SEZ6L: variants seen among roughly 807,000 people sequenced by gnomAD.
The protein encoded by SEZ6L is seizure related 6 homolog like.
A neutral mutation model predicts 106.2 loss-of-function variants in SEZ6L; 37 were observed. That is an observed-to-expected ratio of 0.35 (90% CI 0.27 to 0.46). The LOEUF is 0.46. SEZ6L is among the 20% of genes least tolerant of loss of function. The pLI, the probability that SEZ6L is intolerant of heterozygous loss-of-function variation, is 1.00. For synonymous variants in SEZ6L, 541 were observed against 570.4 expected (o/e 0.95, Z 0.73); for missense variants, 1,172 against 1,332.8 (o/e 0.88, Z 1.88).
At chr22:26,222,828 G>A (rs1282663895) in intron 1 of SEZ6L, among the ~76,000 whole-genome samples, 1 of 152,158 alleles carries the variant, frequency 6.6e-6, no homozygotes, top group African/African-American at 2.4e-5. Context: ...ATCCATCACA[G>A]TGGTTCTTAA....
intron 3 of SEZ6L, among the ~76,000 whole-genome samples, chr22:26,295,835 T>C (rs1313658409): frequency 6.6e-6 from 1 of 152,214 alleles, no homozygotes. Context: ...GTAGGGACTC[T>C]AATTGGTGTT....
At chr22:26,172,048 G>A (rs1268177636) in intron 1 of SEZ6L, among the ~76,000 whole-genome samples, 1 of 152,026 alleles carries the variant, frequency 6.6e-6, no homozygotes, top group Non-Finnish European at 1.5e-5. Flanking sequence ...TCGCTGTAAG[G>A]CATGAATAAG....
chr22:26,278,576 A>G (rs1223656916), intron 1 of SEZ6L, among the ~76,000 whole-genome samples: 2 of 152,136 alleles, frequency 1.3e-5, no homozygotes, highest in Non-Finnish European at 2.9e-5. Context: ...TTCACTTAGG[A>G]TATGCCTCCA....
At chr22:26,250,673 G>C (rs2079545026) in intron 1 of SEZ6L, among the ~76,000 whole-genome samples, 1 of 152,074 alleles carries the variant, frequency 6.6e-6, no homozygotes, top group African/African-American at 2.4e-5. Flanking sequence ...AGGAATTTTA[G>C]AACTTTTTCT....
chr22:26,290,497 A>G (rs2081076067), intron 1 of SEZ6L, among the ~76,000 whole-genome samples: 1 of 152,164 alleles, frequency 6.6e-6, no homozygotes, highest in Admixed American at 6.5e-5. Flanking sequence ...GCGCCACTGC[A>G]CTCCAGCCTG....
chr22:26,232,335 C>T (rs999521449), intron 1 of SEZ6L, among the ~76,000 whole-genome samples: 2 of 142,826 alleles, frequency 1.4e-5, no homozygotes, highest in African/African-American at 2.6e-5. Flanking sequence ...GTCTCTCTCT[C>T]TCTCTGTCTT....
intron 1 of SEZ6L, among the ~76,000 whole-genome samples, chr22:26,267,241 A>T (rs949572987): frequency 2.0e-5 from 3 of 152,204 alleles, no homozygotes; most frequent in Non-Finnish European, 4.4e-5. Context: ...AGGAAATGAC[A>T]AAAATGTGCC....
chr22:26,330,805 A>C (rs1892863196), intron 9 of SEZ6L, among the ~76,000 whole-genome samples: 1 of 152,256 alleles, frequency 6.6e-6, no homozygotes. Context: ...CTCCAGCCAA[A>C]ATAATGTCCA....
chr22:26,195,168 G>C (rs946839993), intron 1 of SEZ6L, among the ~76,000 whole-genome samples: 1 of 152,182 alleles, frequency 6.6e-6, no homozygotes, highest in Non-Finnish European at 1.5e-5. Flanking sequence ...GCCAGACTGG[G>C]CTTACCTGAC....
intron 1 of SEZ6L, among the ~76,000 whole-genome samples, chr22:26,255,674 C>T (rs1290052027): frequency 6.6e-6 from 1 of 152,312 alleles, no homozygotes; most frequent in East Asian, 1.9e-4. Context: ...AGTCTTGGGG[C>T]TGTCACCTCC....
At chr22:26,336,294 T>G (rs1407464772) in intron 9 of SEZ6L, among the ~76,000 whole-genome samples, 1 of 152,086 alleles carries the variant, frequency 6.6e-6, no homozygotes, top group Non-Finnish European at 1.5e-5. Flanking sequence ...CAGCTCCTTC[T>G]CCCTATGGAT....
chr22:26,223,455 G>A (rs1267748250), intron 1 of SEZ6L, among the ~76,000 whole-genome samples: 3 of 152,092 alleles, frequency 2.0e-5, no homozygotes, highest in Non-Finnish European at 2.9e-5. Flanking sequence ...GAGTAAATTG[G>A]ATTTCACAAG....
chr22:26,212,971 C>G (rs983599297), intron 1 of SEZ6L, among the ~76,000 whole-genome samples: 2 of 152,102 alleles, frequency 1.3e-5, no homozygotes, highest in Non-Finnish European at 2.9e-5. Flanking sequence ...AAGACATGGG[C>G]TGAAGGTCCA....
chr22:26,327,302 C>T (rs1301674462), intron 9 of SEZ6L, among the ~76,000 whole-genome samples: 3 of 133,366 alleles, frequency 2.2e-5, no homozygotes, highest in African/African-American at 7.8e-5. Flanking sequence ...ATACCACACA[C>T]ACATGACACT....
intron 13 of SEZ6L, among the ~76,000 whole-genome samples, chr22:26,368,449 A>G (rs550690488): frequency 1.3e-5 from 2 of 152,314 alleles, no homozygotes; most frequent in African/African-American, 2.4e-5. Context: ...ACATACCACA[A>G]CATGGATGAA....
intron 1 of SEZ6L, among the ~76,000 whole-genome samples, chr22:26,216,018 G>A (rs1486861406): frequency 1.3e-5 from 2 of 152,304 alleles, no homozygotes; most frequent in Non-Finnish European, 2.9e-5. Context: ...GTGAAGCCAC[G>A]GAAATTGGAT....
intron 1 of SEZ6L, among the ~76,000 whole-genome samples, chr22:26,260,134 T>A (rs558900917): frequency 2.1e-4 from 32 of 152,324 alleles, no homozygotes; most frequent in East Asian, 5.8e-4. Flanking sequence ...ATTTACTTTT[T>A]AAAATTTTTT....
At chr22:26,233,210 G>A (rs2078854639) in intron 1 of SEZ6L, among the ~76,000 whole-genome samples, 1 of 152,204 alleles carries the variant, frequency 6.6e-6, no homozygotes. Context: ...GATATTGTCT[G>A]AAGCCTTTCC....
At chr22:26,239,570 C>G (rs541457640) in intron 1 of SEZ6L, among the ~76,000 whole-genome samples, 1 of 152,178 alleles carries the variant, frequency 6.6e-6, no homozygotes, top group African/African-American at 2.4e-5. Flanking sequence ...AAAGTTCTTT[C>G]CCTCAGCCTT....
Sources: gnomAD v4.1 joint callset for allele counts (sites outside exome capture counted in the v4.1 genomes callset) on GRCh38, gnomAD v4.1.1 for gene constraint, MANE v1.5 for transcripts, NCBI Gene and HGNC (gene_info 2026-07-23, HGNC 2026-07-21) for gene names.